The following NSD2 variants were observed in gnomAD, a reference collection of about 807,000 sequenced individuals.
NSD2 encodes nuclear receptor binding SET domain protein 2.
A neutral mutation model predicts 139.0 loss-of-function variants in NSD2; 12 were observed. That is an observed-to-expected ratio of 0.09 (90% confidence interval 0.06 to 0.14). The LOEUF is 0.14. Ranked by LOEUF, NSD2 falls within the 10% of genes least tolerant of loss-of-function variation. NSD2 has a pLI of 1.00. For synonymous variants in NSD2, 669 were observed against 648.7 expected (o/e 1.03, Z -0.48); for missense variants, 1,155 against 1,745.0 (o/e 0.66, Z 6.02).
At position 1,958,350 on chromosome 4, in the gene NSD2, G is replaced by A. The variant is rs1237274295; in HGVS notation, c.2985+314G>A. Reference sequence around the variant, plus strand: ...AGCCTCCCACCTGCACCAGGCTGTTGCCAAGTGCTGGGAGTCAGTCACATA... The same window carrying A: ...AGCCTCCCACCTGCACCAGGCTGTTACCAAGTGCTGGGAGTCAGTCACATA... On this transcript the variant is annotated intron_variant, in intron 16 of 21. Transcript: ENST00000508803. The surrounding 1 kb of genome is among the most constrained non-coding windows in gnomAD (Gnocchi z 4.6). Among the ~76,000 whole-genome samples the A allele has an allele frequency of 1.3e-5, 2 of 152,250 alleles. No homozygotes were observed. The highest frequency in any genetic ancestry group is 6.5e-5 in the Admixed American group (1 of 15,286).
chr4:1,872,513 A>G (rs567668202), intron 1 of NSD2, among the ~76,000 whole-genome samples: 1 of 151,510 alleles, frequency 6.6e-6, no homozygotes, highest in East Asian at 2.0e-4. Flanking sequence ...GAAACATAGT[A>G]TCAAAACTGA....
At chr4:1,951,445 CACACACACACACACACACACACACA>C (rs1724230106) in intron 10 of NSD2, among the ~76,000 whole-genome samples, 4,945 of 99,584 alleles carry the variant, frequency 0.05, 499 homozygotes, top group Middle Eastern at 0.094. Context: ...TCATGTAATA[CACACACACACACACACACACACACA>C]CACACACACA....
intron 3 of NSD2, among the ~76,000 whole-genome samples, chr4:1,908,986 A>G (rs1718305863): frequency 6.6e-6 from 1 of 152,068 alleles, no homozygotes; most frequent in African/African-American, 2.4e-5. Context: ...ATGATTCATC[A>G]TGGACTTGTT....
At chr4:1,898,514 A>G (rs930690817) in intron 1 of NSD2, among the ~76,000 whole-genome samples, 1 of 151,858 alleles carries the variant, frequency 6.6e-6, no homozygotes, top group Non-Finnish European at 1.5e-5. Context: ...AATACAAAAA[A>G]TTAGCCGGGC....
intron 1 of NSD2, among the ~76,000 whole-genome samples, chr4:1,889,304 C>T (rs1276157798): frequency 1.3e-5 from 2 of 152,138 alleles, no homozygotes; most frequent in Admixed American, 1.3e-4. Context: ...AGCGATCCTC[C>T]CACTTCAGCT....
intron 1 of NSD2, among the ~76,000 whole-genome samples, chr4:1,896,605 A>C (rs919669069): frequency 6.6e-6 from 1 of 152,086 alleles, no homozygotes. Flanking sequence ...GGTTCAAGCA[A>C]TCCTCCCTCT....
chr4:1,953,844 G>GAGTGC, intron 12 of NSD2, among the ~76,000 whole-genome samples: 1 of 151,834 alleles, frequency 6.6e-6, no homozygotes, highest in East Asian at 1.9e-4. Context: ...ACCCAGGCTG[G>GAGTGC]AGTGCAGTGC....
intron 1 of NSD2, among the ~76,000 whole-genome samples, chr4:1,885,048 T>G (rs942855741): frequency 4.6e-5 from 7 of 151,566 alleles, no homozygotes; most frequent in African/African-American, 1.7e-4. Flanking sequence ...AGGCGGAGGT[T>G]GCAGTGAGCC....
intron 5 of NSD2, among the ~76,000 whole-genome samples, chr4:1,928,213 A>G (rs1293188637): frequency 6.6e-6 from 1 of 151,934 alleles, no homozygotes; most frequent in Admixed American, 6.6e-5. Flanking sequence ...GTTTTTTGAT[A>G]TGTTAAGAAT....
rs927776127 is a variant in NSD2, at chr4:1,944,477, A to T, written c.1881+4699A>T. The T allele has an allele frequency of 8.4e-6, 9 of 1,065,508 alleles. No individual in the cohort carries two copies. The African/African-American group carries it at 1.3e-4, about 16-fold the overall frequency. The allele number at this position is 1,065,508 out of a possible 1,614,324, so 66.0% of individuals were successfully genotyped here. On this transcript the variant is annotated intron_variant, in intron 9 of 21. Coordinates refer to ENST00000508803, the MANE Select transcript of NSD2 (RefSeq NM_001042424.3). ...TGTTTGTCATACATGGAACCATTTTAGTCCCATTTGACTCACTTCAGACCA... is the reference window on the plus strand; with the variant it reads ...TGTTTGTCATACATGGAACCATTTTTGTCCCATTTGACTCACTTCAGACCA...
chr4:1,876,478 A>G (rs1365092122), intron 1 of NSD2, among the ~76,000 whole-genome samples: 3 of 151,960 alleles, frequency 2.0e-5, no homozygotes, highest in Non-Finnish European at 2.9e-5. Context: ...ATCACTTGAG[A>G]CTAGGAGTTT....
chr4:1,946,356 C>T, intron 9 of NSD2: 1 of 527,588 alleles, frequency 1.9e-6, no homozygotes, highest in East Asian at 8.8e-5. Context: ...CAACCTCCGC[C>T]TCCTTGGTTC....
chr4:1,891,811 C>T (rs1269130534), intron 1 of NSD2, among the ~76,000 whole-genome samples: 8 of 149,430 alleles, frequency 5.4e-5, no homozygotes, highest in East Asian at 3.9e-4. Flanking sequence ...GAGCCGAGAT[C>T]GCGCCATTGC....
chr4:1,916,996 G>C lies in NSD2; in HGVS notation c.886G>C (p.Glu296Gln), dbSNP rs1719479558. The C allele has an allele frequency of 6.2e-7, 1 of 1,614,062 alleles. No homozygotes were observed. Among genetic ancestry groups the C allele is most frequent in the Non-Finnish European group, 8.5e-7 (1 of 1,179,970 alleles). The change falls in exon 4 of 22, where the codon GAA becomes CAA. Residue 296 changes from glutamate (E) to glutamine (Q), a missense_variant. Transcript: ENST00000508803. Reference protein sequence around the residue: ...GEGQFEKLCQESAKQAPTKAE... With the variant: ...GEGQFEKLCQQSAKQAPTKAE... ...AGGACAGTTTGAAAAATTATGCCAG[G>C]AAAGTGCCAAGCAGGCACCCACGAA...
At chr4:1,944,585 T>A (rs1048388260) in intron 9 of NSD2, 16 of 1,064,118 alleles carry the variant, frequency 1.5e-5, no homozygotes, top group Non-Finnish European at 1.8e-5. Flanking sequence ...AGGTGAAAAC[T>A]TGTCAGAATA....
intron 18 of NSD2, among the ~76,000 whole-genome samples, chr4:1,971,989 G>A (rs1290450618): frequency 2.0e-5 from 3 of 152,198 alleles, no homozygotes; most frequent in Non-Finnish European, 4.4e-5. Context: ...AAGGCAGGAC[G>A]CTCACGCCGC....
At position 1,959,475 on chromosome 4, in the gene NSD2, A is replaced by G; in HGVS notation, c.2990A>G (p.Asn997Ser). ...CAGCTTACTCCTTCCCTGCAGGTGA[A>G]TAAGCCTTACGGGAAAGTCCAGATC... ...KPPPYKHIKV[N>S]KPYGKVQIYT... The change falls in exon 17 of 22, where the codon AAT becomes AGT. Residue 997 changes from asparagine (N) to serine (S), a missense_variant. Asn to Ser is a conservative substitution (Grantham distance 46). Around this residue, in one of 8 missense-constraint regions of NSD2, gnomAD observed 139 missense variants for 485.8 expected, o/e 0.29. Transcript: ENST00000508803. 1 of 1,564,496 alleles carries G rather than the reference A, an allele frequency of 6.4e-7. No homozygotes were observed.
rs542663335 is a variant in NSD2, at chr4:1,939,426, C to G, written c.1757-228C>G. The G allele has an allele frequency of 3.7e-4, 206 of 561,944 alleles. 3 individuals carry two copies. The South Asian group carries it at 4.2e-3, about 11-fold the overall frequency. The allele number at this position is 561,944 out of a possible 1,614,324, so 34.8% of individuals were successfully genotyped here. On this transcript the variant is annotated intron_variant, in intron 8 of 21. Transcript: ENST00000508803. ...GGTATGGATAGAGCCACGCTGGCCC[C>G]AGGTTGATGTTTTTGGGGGCCAAGT...
rs548094046 is a variant in NSD2, at chr4:1,955,546, A to G, written c.2519-147A>G. The G allele has an allele frequency of 5.4e-5, 67 of 1,245,426 alleles. No homozygotes were observed. In the African/African-American group the frequency reaches 8.9e-4, roughly 17 times the overall value. 77.1% of individuals were successfully genotyped at this position (1,245,426 alleles called of 1,614,324 possible). On this transcript the variant is annotated intron_variant, in intron 13 of 21. Transcript: ENST00000508803. The surrounding 1 kb of genome is among the most constrained non-coding windows in gnomAD (Gnocchi z 4.7). ...GGAAATTATTTGTGGTGAAAATGAC[A>G]TTTGCTCTCGTGCTGATGTACAGAT...
Sources: allele counts gnomAD v4.1 joint callset (sites outside exome capture counted in the v4.1 genomes callset), GRCh38; gene constraint gnomAD v4.1.1; regional missense constraint gnomAD v4.1.1; non-coding constraint Gnocchi (gnomAD v3.1); transcripts MANE v1.5; gene names NCBI Gene and HGNC (gene_info 2026-07-23, HGNC 2026-07-21).